The following AFDN variants were observed in gnomAD, a reference collection of about 807,000 sequenced individuals.
AFDN encodes the protein afadin.
A neutral mutation model predicts 216.6 loss-of-function variants in AFDN; 68 were observed. That is an observed-to-expected ratio of 0.31 (90% CI 0.26 to 0.38). The LOEUF (loss-of-function observed/expected upper bound fraction) is 0.38. Among genes scored for constraint, AFDN ranks in the 10% least tolerant of loss-of-function variants. The pLI, the probability that AFDN is intolerant of heterozygous loss-of-function variation, is 1.00. For synonymous variants in AFDN, 868 were observed against 853.7 expected (o/e 1.02, Z -0.29); for missense variants, 2,136 against 2,342.0 (o/e 0.91, Z 1.82).
At position 167,875,563 on chromosome 6, in the gene AFDN, C is replaced by T. The variant is rs1002528240; in HGVS notation, c.739+68C>T. Reference sequence around the variant, plus strand: ...GCATTGTTTAATTACACTGTACGTGCGTGAGACTTGCTTTAACTAAAGCAA... The same window carrying T: ...GCATTGTTTAATTACACTGTACGTGTGTGAGACTTGCTTTAACTAAAGCAA... On this transcript the variant is annotated intron_variant, in intron 5 of 33. Transcript: ENST00000683244. 29 of 1,508,054 alleles carry T rather than the reference C, an allele frequency of 1.9e-5. No individual in the cohort carries two copies. The African/African-American group carries it at 2.8e-4, about 14-fold the overall frequency. 93.4% of individuals were successfully genotyped at this position (1,508,054 alleles called of 1,614,324 possible).
In AFDN at chr6:167,962,858, G is replaced by A. The variant is rs537314205; in HGVS notation, c.4968+291G>A. On this transcript the variant is annotated intron_variant, in intron 31 of 33. Coordinates refer to ENST00000683244, the MANE Select transcript of AFDN (RefSeq NM_001386888.1). The surrounding 1 kb of genome is among the most constrained non-coding windows in gnomAD (Gnocchi z 5.2). Reference sequence around the variant, plus strand: ...CTCTTTGCAAAGGGTTCGTTTCCTCGGGCACTCATCTTTACTGAACATGGC... The same window carrying A: ...CTCTTTGCAAAGGGTTCGTTTCCTCAGGCACTCATCTTTACTGAACATGGC... 1.6e-3 allele frequency: 2,008 copies of A among 1,232,928 alleles called. 5 individuals are homozygous for A. Among genetic ancestry groups the A allele is most frequent in the Admixed American group, 2.3e-3 (66 of 28,708 alleles). 76.4% of individuals were successfully genotyped at this position (1,232,928 alleles called of 1,614,324 possible).
intron 32 of AFDN, among the ~76,000 whole-genome samples, chr6:167,968,140 T>C (rs767072742): frequency 2.4e-4 from 37 of 152,270 alleles, no homozygotes; most frequent in Non-Finnish European, 3.7e-4. Flanking sequence ...TCAAAAGATA[T>C]AATACAATGT....
intron 1 of AFDN, among the ~76,000 whole-genome samples, chr6:167,847,534 A>G (rs1240524241): frequency 2.0e-5 from 3 of 152,188 alleles, no homozygotes; most frequent in African/African-American, 4.8e-5. Flanking sequence ...AGCTCACTTT[A>G]CCAATTGCTA....
intron 8 of AFDN, 30 bp from the exon 9 acceptor site, chr6:167,893,832 C>T (rs1299030268): frequency 6.4e-7 from 1 of 1,559,518 alleles, no homozygotes; most frequent in Non-Finnish European, 8.7e-7. Context: ...GCTGCCTTCA[C>T]CTGGGTCCTG....
intron 2 of AFDN, among the ~76,000 whole-genome samples, chr6:167,865,777 T>G (rs949686925): frequency 6.6e-5 from 10 of 151,700 alleles, no homozygotes; most frequent in Non-Finnish European, 1.3e-4. Context: ...TTAAGTTCCA[T>G]CCACAGATCT....
chr6:167,920,215 G>A (rs1221110341), intron 21 of AFDN, among the ~76,000 whole-genome samples: 3 of 152,222 alleles, frequency 2.0e-5, no homozygotes, highest in African/African-American at 7.2e-5. Context: ...TTCAGTCTTG[G>A]TAGAGGTGCA....
intron 13 of AFDN, among the ~76,000 whole-genome samples, chr6:167,909,814 A>G (rs543614457): frequency 3.4e-4 from 52 of 152,316 alleles, no homozygotes; most frequent in Admixed American, 7.2e-4. Context: ...GGCAAAACAC[A>G]TGTTCCCTGG....
intron 6 of AFDN, among the ~76,000 whole-genome samples, chr6:167,881,961 C>G (rs898875657): frequency 6.6e-6 from 1 of 152,196 alleles, no homozygotes; most frequent in Non-Finnish European, 1.5e-5. Flanking sequence ...ATAGCCTTTA[C>G]ATTCAGCTTT....
intron 2 of AFDN, 63 bp from the exon 3 acceptor site, chr6:167,870,323 T>C (rs952414196): frequency 1.7e-5 from 16 of 959,612 alleles, no homozygotes; most frequent in Non-Finnish European, 2.5e-5. Flanking sequence ...AGAATGCTTG[T>C]ATTAGCTAGT....
chr6:167,828,752 C>G (rs1226012344), intron 1 of AFDN, among the ~76,000 whole-genome samples: 1 of 128,240 alleles, frequency 7.8e-6, no homozygotes, highest in African/African-American at 2.9e-5. Flanking sequence ...TGGTGTGTAG[C>G]TTTTTTTTTT....
intron 23 of AFDN, among the ~76,000 whole-genome samples, chr6:167,931,683 T>C (rs1217023833): frequency 6.6e-6 from 1 of 152,142 alleles, no homozygotes; most frequent in Non-Finnish European, 1.5e-5. Context: ...ACTGTATAGT[T>C]GATAGGTATG....
intron 1 of AFDN, among the ~76,000 whole-genome samples, chr6:167,839,596 A>G (rs912757073): frequency 6.6e-6 from 1 of 152,142 alleles, no homozygotes; most frequent in Non-Finnish European, 1.5e-5. Flanking sequence ...AGGGAGCGGT[A>G]ACTGGCACTG....
chr6:167,970,721 G>A lies in AFDN; in HGVS notation c.*786G>A, dbSNP rs1420540244. ...ATCACTGTTAAATTTAAAGATGACA[G>A]TTACCTTGGAAAGTTCACTAATACT... On this transcript the variant is annotated 3_prime_UTR_variant, in exon 34 of 34. Transcript: ENST00000683244. The A allele has an allele frequency of 3.3e-5, 7 of 215,194 alleles. No homozygotes were observed. The highest frequency in any genetic ancestry group is 1.4e-3 in the Middle Eastern group (1 of 702). 13.3% of individuals were successfully genotyped at this position (215,194 alleles called of 1,614,324 possible). A position where few individuals can be genotyped will look rare whatever the true frequency, so the allele number is the denominator to read the frequency against.
At position 167,875,419 on chromosome 6, in the gene AFDN, T is replaced by A. The variant is rs1785243848; in HGVS notation, c.663T>A (p.Val221=). The A allele has an allele frequency of 1.9e-6, 3 of 1,614,074 alleles. No individual in the cohort carries two copies. Among genetic ancestry groups the A allele is most frequent in the Non-Finnish European group, 2.5e-6 (3 of 1,179,952 alleles). The part of the protein sequence containing the change: ...FTRTISNPEV[V]MKRRRQQKLE... Reference sequence around the variant, plus strand: ...GAACCATTTCTAATCCTGAGGTGGTTATGAAACGACGGAGGCAGCAAAAAT... The same window carrying A: ...GAACCATTTCTAATCCTGAGGTGGTAATGAAACGACGGAGGCAGCAAAAAT... Residue 221 remains valine (V), a synonymous_variant, in exon 5 of 34, where the codon GTT becomes GTA. Transcript: ENST00000683244.
intron 9 of AFDN, among the ~76,000 whole-genome samples, chr6:167,895,589 T>G (rs557626789): frequency 6.6e-6 from 1 of 152,332 alleles, no homozygotes; most frequent in South Asian, 2.1e-4. Context: ...GAAAATTTTG[T>G]CATTAGAATG....
At chr6:167,928,372 G>A (rs1792841654) in intron 23 of AFDN, among the ~76,000 whole-genome samples, 1 of 152,218 alleles carries the variant, frequency 6.6e-6, no homozygotes, top group Non-Finnish European at 1.5e-5. Flanking sequence ...CAACAAGCCA[G>A]CTTGAAAGTC....
chr6:167,839,404 T>A (rs555721284), intron 1 of AFDN, among the ~76,000 whole-genome samples: 15 of 152,286 alleles, frequency 9.8e-5, no homozygotes, highest in African/African-American at 3.6e-4. Context: ...ATTATGGACA[T>A]TTAAACATTT....
chr6:167,906,105 G>T (rs1562647110), intron 12 of AFDN, among the ~76,000 whole-genome samples: 1 of 151,664 alleles, frequency 6.6e-6, no homozygotes, highest in African/African-American at 2.4e-5. Flanking sequence ...TCCGTCCCAA[G>T]AAAAAAAACC....
At position 167,971,086 on chromosome 6, in the gene AFDN, T is replaced by C. The variant is rs1797990454; in HGVS notation, c.*1151T>C. On this transcript the variant is annotated 3_prime_UTR_variant, in exon 34 of 34. Transcript: ENST00000683244. ...GTGGCTGATGTTGGGGAGACGGACC[T>C]CAGTGTGTTTTATATTGTCTGGTGT... The C allele has an allele frequency of 4.5e-6, 1 of 220,940 alleles. No homozygotes were observed. The highest frequency in any genetic ancestry group is 6.7e-5 in the East Asian group (1 of 15,012). The allele number at this position is 220,940 out of a possible 1,614,324, so 13.7% of individuals were successfully genotyped here. A position where few individuals can be genotyped will look rare whatever the true frequency, so the allele number is the denominator to read the frequency against.
Sources: allele counts gnomAD v4.1 joint callset (sites outside exome capture counted in the v4.1 genomes callset), GRCh38; gene constraint gnomAD v4.1.1; non-coding constraint Gnocchi (gnomAD v3.1); transcripts MANE v1.5; gene names NCBI Gene and HGNC (gene_info 2026-07-23, HGNC 2026-07-21).